The following GPC6 variants were observed in gnomAD, a reference collection of about 807,000 sequenced individuals.
GPC6 encodes glypican 6.
GPC6 carries 14 observed loss-of-function variants against 55.2 expected under a neutral mutation model. The observed-to-expected ratio is 0.25, with a 90% CI of 0.17 to 0.40. The LOEUF (loss-of-function observed/expected upper bound fraction) is 0.40. Ranked by LOEUF, GPC6 falls within the 10% of genes least tolerant of loss-of-function variation. The pLI is 1.00. For missense variants in GPC6, 641 were observed against 708.5 expected, an observed-to-expected ratio of 0.90 and a Z score of 1.08; for synonymous variants, 278 against 259.6, an observed-to-expected ratio of 1.07 and a Z score of -0.68.
intron 2 of GPC6, among the ~76,000 whole-genome samples, chr13:93,641,853 T>C (rs1460906585): frequency 6.6e-6 from 1 of 152,138 alleles, no homozygotes; most frequent in African/African-American, 2.4e-5. Context: ...ATGTGATATA[T>C]ACTTTTTTTC....
rs74109187 is a variant in GPC6 at position 94,002,358 on chromosome 13, A to C, written c.712-25371A>C. Among the ~76,000 whole-genome samples the C allele has an allele frequency of 4.7e-3, 718 of 152,270 alleles. 7 individuals are homozygous for C. The highest frequency in any genetic ancestry group is 0.015 in the African/African-American group (621 of 41,558). On this transcript the variant is annotated intron_variant, in intron 3 of 8. Transcript: ENST00000377047. ...TGTTAACACAGTGAAATAGATCAAAACATATTAGCCAAAGAATATTTAGCT... is the reference window on the plus strand; with the variant it reads ...TGTTAACACAGTGAAATAGATCAAACCATATTAGCCAAAGAATATTTAGCT...
At chr13:94,157,569 A>G (rs1421988606) in intron 4 of GPC6, among the ~76,000 whole-genome samples, 1 of 152,292 alleles carries the variant, frequency 6.6e-6, no homozygotes, top group East Asian at 1.9e-4. Flanking sequence ...GCATAGAGGT[A>G]TAAAGGAAAC....
chr13:94,077,429 T>C (rs1884955661), intron 4 of GPC6, among the ~76,000 whole-genome samples: 1 of 151,878 alleles, frequency 6.6e-6, no homozygotes, highest in Admixed American at 6.6e-5. Context: ...ATAGAGACAA[T>C]TTAAGTTTTT....
At chr13:93,357,834 T>G (rs1880905788) in intron 1 of GPC6, among the ~76,000 whole-genome samples, 1 of 151,902 alleles carries the variant, frequency 6.6e-6, no homozygotes, top group Non-Finnish European at 1.5e-5. Flanking sequence ...CTCCAAAAAA[T>G]GTAAATAATT....
intron 4 of GPC6, among the ~76,000 whole-genome samples, chr13:94,109,258 A>G (rs1886158482): frequency 6.6e-6 from 1 of 152,190 alleles, no homozygotes; most frequent in Admixed American, 6.5e-5. Flanking sequence ...TTTTACAAGG[A>G]TGACAGAATT....
intron 4 of GPC6, among the ~76,000 whole-genome samples, chr13:94,039,522 C>A (rs1171585140): frequency 6.6e-6 from 1 of 151,850 alleles, no homozygotes; most frequent in Non-Finnish European, 1.5e-5. Context: ...GAGAGAAAGA[C>A]AGTGCTGTTA....
upstream of GPC6, among the ~76,000 whole-genome samples, chr13:93,224,669 C>T (rs1473225315): frequency 1.3e-5 from 2 of 152,208 alleles, no homozygotes; most frequent in East Asian, 3.9e-4. Flanking sequence ...ACTTCCATAA[C>T]ATTCCATTCT....
intron 3 of GPC6, among the ~76,000 whole-genome samples, chr13:93,895,728 C>A (rs1336939800): frequency 6.6e-6 from 1 of 152,026 alleles, no homozygotes; most frequent in South Asian, 2.1e-4. Context: ...CCTGCTATTA[C>A]TGTTCTGCAA....
intron 7 of GPC6, among the ~76,000 whole-genome samples, chr13:94,396,196 A>G (rs1880890596): frequency 6.6e-6 from 1 of 152,034 alleles, no homozygotes; most frequent in Non-Finnish European, 1.5e-5. Flanking sequence ...ACTTGTCCAC[A>G]CGTTTATAAA....
At chr13:94,151,542 T>C (rs1416477887) in intron 4 of GPC6, among the ~76,000 whole-genome samples, 4 of 152,038 alleles carry the variant, frequency 2.6e-5, no homozygotes, top group African/African-American at 9.7e-5. Flanking sequence ...ATTCGAATGG[T>C]TATTTGAGCT....
At chr13:94,216,070 T>C (rs1890218556) in intron 4 of GPC6, among the ~76,000 whole-genome samples, 1 of 152,204 alleles carries the variant, frequency 6.6e-6, no homozygotes, top group South Asian at 2.1e-4. Flanking sequence ...GGGTCAAATC[T>C]TTTCCAAATG....
chr13:94,208,218 G>T (rs748853976), intron 4 of GPC6, among the ~76,000 whole-genome samples: 3 of 152,118 alleles, frequency 2.0e-5, no homozygotes, highest in East Asian at 1.9e-4. Context: ...TCTGCAAAAG[G>T]CTCTAACAAA....
chr13:93,349,903 T>C (rs1389955515), intron 1 of GPC6, among the ~76,000 whole-genome samples: 1 of 152,208 alleles, frequency 6.6e-6, no homozygotes, highest in African/African-American at 2.4e-5. Flanking sequence ...AAGCCTATAA[T>C]TTATGTCAAG....
chr13:93,853,362 A>G (rs867696100), intron 3 of GPC6, among the ~76,000 whole-genome samples: 1 of 151,678 alleles, frequency 6.6e-6, no homozygotes, highest in Admixed American at 6.6e-5. Context: ...TCAGTTTATT[A>G]TCATATTACC....
In GPC6 at chr13:93,375,055, C is replaced by T. The variant is rs112054026; in HGVS notation, c.160+147439C>T. ...CATTCGTCTGTCCCTTTAATTGCTTCGTGCCACTTCTGTCTTTGAAATCCA... is the reference window on the plus strand; with the variant it reads ...CATTCGTCTGTCCCTTTAATTGCTTTGTGCCACTTCTGTCTTTGAAATCCA... On this transcript the variant is annotated intron_variant, in intron 1 of 8. Coordinates refer to ENST00000377047, the MANE Select transcript of GPC6 (RefSeq NM_005708.5). Among the ~76,000 whole-genome samples, 659 of 152,268 alleles carry T rather than the reference C, an allele frequency of 4.3e-3. 6 individuals carry two copies. The highest frequency in any genetic ancestry group is 0.015 in the African/African-American group (626 of 41,546).
At chr13:93,521,010 T>A (rs1333379947) in intron 1 of GPC6, among the ~76,000 whole-genome samples, 1 of 151,928 alleles carries the variant, frequency 6.6e-6, no homozygotes, top group Non-Finnish European at 1.5e-5. Context: ...TATAAGAACT[T>A]TAGTAATCTA....
intron 1 of GPC6, among the ~76,000 whole-genome samples, chr13:93,379,046 C>T (rs1003310772): frequency 1.3e-5 from 2 of 151,368 alleles, no homozygotes; most frequent in Non-Finnish European, 2.9e-5. Context: ...TTATAATATA[C>T]TTATACAATA....
In GPC6 at chr13:94,286,437, C is replaced by T. The variant is rs1397527968; in HGVS notation, c.966C>T (p.Ala322=). 3.1e-6 allele frequency: 5 copies of T among 1,613,620 alleles called. No homozygotes were observed. The highest frequency in any genetic ancestry group is 1.1e-5 in the South Asian group (1 of 91,046). ...MDPIDVKISE[A]IMNMQENSMQ... ...CGATAGATGTCAAGATTTCTGAAGC[C>T]ATTATGAACATGCAAGAAAACAGCA... The change falls in exon 5 of 9, where the codon GCC becomes GCT. Residue 322 remains alanine (A), a synonymous_variant. Transcript: ENST00000377047.
chr13:93,497,967 G>A (rs2139367859), intron 1 of GPC6, among the ~76,000 whole-genome samples: 1 of 152,302 alleles, frequency 6.6e-6, no homozygotes, highest in South Asian at 2.1e-4. Context: ...GGTAGACTGT[G>A]CTCAAATATT....
Sources: gnomAD v4.1 joint callset for allele counts (sites outside exome capture counted in the v4.1 genomes callset) on GRCh38, gnomAD v4.1.1 for gene constraint, MANE v1.5 for transcripts, NCBI Gene and HGNC (gene_info 2026-07-23, HGNC 2026-07-21) for gene names.